The following SYT14 variants were observed in gnomAD, a reference collection of about 807,000 sequenced individuals.
SYT14 encodes synaptotagmin-14.
In SYT14, 32 loss-of-function variants were observed where a neutral mutation model predicts 74.2. The observed-to-expected ratio is 0.43, with a 90% CI of 0.33 to 0.58. The LOEUF is 0.58. Ranked by LOEUF, SYT14 falls within the 20% of genes least tolerant of loss-of-function variation. The pLI is 0.05. For synonymous variants in SYT14, 298 were observed against 337.7 expected (o/e 0.88, Z 1.29); for missense variants, 791 against 981.8 (o/e 0.81, Z 2.60).
intron 7 of SYT14, among the ~76,000 whole-genome samples, chr1:210,120,777 A>G (rs1035962634): frequency 6.6e-6 from 1 of 152,234 alleles, no homozygotes; most frequent in Non-Finnish European, 1.5e-5. Context: ...ATAGCAGCAT[A>G]TTAGAAGTAC....
chr1:210,005,290 G>A (rs543963839), intron 2 of SYT14, among the ~76,000 whole-genome samples: 2 of 151,942 alleles, frequency 1.3e-5, no homozygotes, highest in African/African-American at 4.8e-5. Context: ...GTGTCTCTCT[G>A]AGAGATTTGA....
intron 2 of SYT14, among the ~76,000 whole-genome samples, chr1:209,992,761 G>T (rs1002332409): frequency 6.6e-6 from 1 of 152,118 alleles, no homozygotes; most frequent in Admixed American, 6.6e-5. Flanking sequence ...GACACAGGGA[G>T]GAAGTACCAT....
chr1:209,988,837 C>G (rs1413471035), intron 2 of SYT14, among the ~76,000 whole-genome samples: 1 of 152,140 alleles, frequency 6.6e-6, no homozygotes, highest in Non-Finnish European at 1.5e-5. Flanking sequence ...CATGTATGTG[C>G]TAAGAAGTAC....
At chr1:210,067,262 T>A (rs2081313404) in intron 5 of SYT14, among the ~76,000 whole-genome samples, 2 of 152,186 alleles carry the variant, frequency 1.3e-5, no homozygotes, top group Middle Eastern at 3.4e-3. Context: ...TTTTCTTTAT[T>A]GTTTTAGCTA....
chr1:210,107,470 A>T (rs934466139), intron 7 of SYT14, among the ~76,000 whole-genome samples: 4 of 152,218 alleles, frequency 2.6e-5, no homozygotes, highest in African/African-American at 9.6e-5. Context: ...AGTGTATCAC[A>T]GTGTCTATCA....
intron 5 of SYT14, among the ~76,000 whole-genome samples, chr1:210,067,205 A>G (rs892028804): frequency 6.6e-6 from 1 of 151,954 alleles, no homozygotes; most frequent in African/African-American, 2.4e-5. Flanking sequence ...AGTTGCTTTT[A>G]CTAAGCTTGA....
chr1:210,019,354 A>G (rs1262954224), intron 4 of SYT14, among the ~76,000 whole-genome samples: 2 of 151,994 alleles, frequency 1.3e-5, no homozygotes, highest in Non-Finnish European at 2.9e-5. Context: ...CGGCCATCTC[A>G]TTGTTGTCTA....
chr1:210,127,823 C>T (rs2082597119), intron 7 of SYT14, among the ~76,000 whole-genome samples: 1 of 151,816 alleles, frequency 6.6e-6, no homozygotes, highest in Admixed American at 6.6e-5. Context: ...GTCAGTAGTT[C>T]GTGACCAGCC....
At chr1:209,980,428 C>A (rs2079462217) in intron 2 of SYT14, among the ~76,000 whole-genome samples, 2 of 152,132 alleles carry the variant, frequency 1.3e-5, no homozygotes, top group Non-Finnish European at 2.9e-5. Flanking sequence ...GTTCCTTTTG[C>A]TGCACAGAAG....
chr1:210,087,341 C>T (rs1295952873), intron 5 of SYT14, among the ~76,000 whole-genome samples: 3 of 152,200 alleles, frequency 2.0e-5, no homozygotes, highest in Admixed American at 1.3e-4. Context: ...CCAGATACCC[C>T]TGTGTGTGGC....
chr1:210,122,611 T>C lies in SYT14; in HGVS notation c.2034+22150T>C, dbSNP rs1460124817. On this transcript the variant is annotated intron_variant, in intron 7 of 9. Transcript: ENST00000637265. ...CACATATGGTCTCTGTCGCATTTTT[T>C]TTTTTTACAATTCTTTTTAAAAATG... Among the ~76,000 whole-genome samples, 3 of 152,168 alleles carry C rather than the reference T, an allele frequency of 2.0e-5. No homozygotes were observed. The East Asian group carries it at 5.8e-4, about 29-fold the overall frequency.
At chr1:209,962,107 A>G (rs2079083747) in intron 2 of SYT14, among the ~76,000 whole-genome samples, 1 of 152,038 alleles carries the variant, frequency 6.6e-6, no homozygotes, top group South Asian at 2.1e-4. Flanking sequence ...TAATTGTCTT[A>G]CTTTTCTTTC....
At chr1:210,048,096 T>C (rs143552185) in intron 5 of SYT14, among the ~76,000 whole-genome samples, 101 of 152,366 alleles carry the variant, frequency 6.6e-4, no homozygotes, top group African/African-American at 2.1e-3. Context: ...CCCCAATACC[T>C]AGTGGTTTTA....
At chr1:209,946,875 C>G (rs1309802882) in intron 1 of SYT14, among the ~76,000 whole-genome samples, 2 of 152,162 alleles carry the variant, frequency 1.3e-5, no homozygotes. Flanking sequence ...GGGGCTGATG[C>G]ATCTGGTGAC....
chr1:210,037,897 A>G (rs534898219), intron 5 of SYT14, among the ~76,000 whole-genome samples: 9 of 152,090 alleles, frequency 5.9e-5, no homozygotes, highest in Admixed American at 1.3e-4. Context: ...ACTGATGAGA[A>G]GAATGTATAT....
intron 5 of SYT14, among the ~76,000 whole-genome samples, chr1:210,058,497 A>G (rs1323307125): frequency 2.3e-4 from 35 of 152,168 alleles, no homozygotes; most frequent in Non-Finnish European, 2.9e-5. Flanking sequence ...CAACCAGCAA[A>G]CCAGGGAATT....
At chr1:210,148,508 CAAA>C (rs11295049) in intron 7 of SYT14, among the ~76,000 whole-genome samples, 8 of 127,468 alleles carry the variant, frequency 6.3e-5, no homozygotes, top group East Asian at 2.2e-4. Context: ...AACTCCGTCT[CAAA>C]AAAAAAAAAA....
At chr1:210,055,734 G>A (rs1298930378) in intron 5 of SYT14, among the ~76,000 whole-genome samples, 5 of 150,502 alleles carry the variant, frequency 3.3e-5, no homozygotes, top group African/African-American at 4.9e-5. Flanking sequence ...AAGCCCAGGA[G>A]CTCAAGACTA....
At chr1:209,965,755 T>C in intron 2 of SYT14, 1 of 370,172 alleles carries the variant, frequency 2.7e-6, no homozygotes, top group African/African-American at 2.1e-5. Flanking sequence ...AAAGTTCACC[T>C]GATATGGATA....
Sources: allele counts gnomAD v4.1 joint callset (sites outside exome capture counted in the v4.1 genomes callset), GRCh38; gene constraint gnomAD v4.1.1; transcripts MANE v1.5; gene names NCBI Gene and HGNC (gene_info 2026-07-23, HGNC 2026-07-21).